The following MGAT4C variants were observed in gnomAD, a reference collection of about 807,000 sequenced individuals.
MGAT4C encodes the protein MGAT4 family member C.
In MGAT4C, 19 loss-of-function variants were observed where a neutral mutation model predicts 40.1. The observed-to-expected ratio is 0.47, with a 90% CI of 0.33 to 0.70. The LOEUF is 0.70. Among genes scored for constraint, MGAT4C ranks in the 30% least tolerant of loss-of-function variants. The pLI, the probability that MGAT4C is intolerant of heterozygous loss-of-function variation, is 0.02. For synonymous variants in MGAT4C, 181 were observed against 187.1 expected (o/e 0.97, Z 0.27); for missense variants, 491 against 563.2 (o/e 0.87, Z 1.30).
At chr12:86,272,382 G>A (rs1233465780) in intron 4 of MGAT4C, among the ~76,000 whole-genome samples, 2 of 152,022 alleles carry the variant, frequency 1.3e-5, no homozygotes, top group Non-Finnish European at 2.9e-5. Flanking sequence ...GAGCCTATGC[G>A]TTCAATTCTT....
intron 2 of MGAT4C, among the ~76,000 whole-genome samples, chr12:86,679,259 C>T (rs1186648111): frequency 1.3e-5 from 2 of 151,988 alleles, no homozygotes; most frequent in Non-Finnish European, 1.5e-5. Flanking sequence ...TATCCTTCAC[C>T]CACTTTTTGA....
rs1307939872 is a variant in MGAT4C at position 86,635,842 on chromosome 12, AT to A, written c.-229+91366del. ...CTCAGCATGCAACCATGTTCAGGTA[AT>A]TTTTTTTTTTTGTAATTTTTAGTAG... On this transcript the variant is annotated intron_variant, in intron 2 of 7. Coordinates refer to the MGAT4C transcript ENST00000548651. Among the ~76,000 whole-genome samples, 565 of 144,266 alleles carry A rather than the reference AT, an allele frequency of 3.9e-3. 1 individual carries two copies. Among genetic ancestry groups the A allele is most frequent in the Non-Finnish European group, 6.3e-3 (409 of 65,266 alleles). 94.6% of individuals were successfully genotyped at this position (144,266 alleles called of 152,430 possible). A position where few individuals can be genotyped will look rare whatever the true frequency, so the allele number is the denominator to read the frequency against.
intron 1 of MGAT4C, among the ~76,000 whole-genome samples, chr12:86,812,621 G>C (rs1952499997): frequency 1.3e-5 from 2 of 152,114 alleles, no homozygotes; most frequent in South Asian, 4.2e-4. Flanking sequence ...TATTAATAAA[G>C]TCACACATGC....
intron 2 of MGAT4C, among the ~76,000 whole-genome samples, chr12:86,616,121 G>A (rs1050998998): frequency 4.0e-4 from 61 of 152,050 alleles, no homozygotes; most frequent in African/African-American, 1.4e-3. Flanking sequence ...TCTGCAACCA[G>A]TATTCATTGA....
chr12:86,060,547 T>G (rs2137000361), intron 1 of MGAT4C, among the ~76,000 whole-genome samples: 1 of 152,260 alleles, frequency 6.6e-6, no homozygotes, highest in East Asian at 1.9e-4. Context: ...TAATCAATAA[T>G]ATTTAATTAT....
intron 2 of MGAT4C, among the ~76,000 whole-genome samples, chr12:86,561,387 A>G (rs901396877): frequency 1.2e-4 from 19 of 152,126 alleles, no homozygotes; most frequent in African/African-American, 4.6e-4. Context: ...AGAGAGGCAG[A>G]CCCACCCTCA....
In MGAT4C at chr12:85,966,346, C is replaced by A. The variant is rs539539247; in HGVS notation, c.*12943G>T. ...CACTGTCACTCTATTTAATTATTACCCATCATCTACCTACTTTGAAACTTT... is the reference window on the plus strand; with the variant it reads ...CACTGTCACTCTATTTAATTATTACACATCATCTACCTACTTTGAAACTTT... On this transcript the variant is annotated 3_prime_UTR_variant, in exon 5 of 5. Transcript: ENST00000611864. The A allele has an allele frequency of 1.3e-5, 2 of 151,890 alleles. No homozygotes were observed. The highest frequency in any genetic ancestry group is 2.1e-4 in the South Asian group (1 of 4,816). 9.4% of individuals were successfully genotyped at this position (151,890 alleles called of 1,614,324 possible).
intron 1 of MGAT4C, among the ~76,000 whole-genome samples, chr12:86,181,882 A>C (rs1337282651): frequency 6.6e-6 from 1 of 151,954 alleles, no homozygotes; most frequent in Non-Finnish European, 1.5e-5. Context: ...AACCCTTCTG[A>C]ACTTTCCAAT....
intron 2 of MGAT4C, among the ~76,000 whole-genome samples, chr12:86,510,881 C>G (rs1386499160): frequency 6.6e-6 from 1 of 151,936 alleles, no homozygotes; most frequent in Non-Finnish European, 1.5e-5. Context: ...GACTCCCACA[C>G]ATTAATAATG....
chr12:86,547,648 G>A (rs1959203373), intron 2 of MGAT4C, among the ~76,000 whole-genome samples: 1 of 151,896 alleles, frequency 6.6e-6, no homozygotes, highest in African/African-American at 2.4e-5. Flanking sequence ...TTTATTACTT[G>A]GAAGAAAAAG....
Position 86,618,453 on chromosome 12 carries a change from A to G in MGAT4C, c.-229+108756T>C, listed in dbSNP as rs1000232066. Among the ~76,000 whole-genome samples, 7 of 152,346 alleles carry G rather than the reference A, an allele frequency of 4.6e-5. No individual in the cohort carries two copies. The South Asian group carries it at 8.3e-4, about 18-fold the overall frequency. On this transcript the variant is annotated intron_variant, in intron 2 of 7. Coordinates refer to the MGAT4C transcript ENST00000548651. ...TTCATCAACAGATGAATAGGTAAAGAAAATGTGGTGTATAAATACACAACT... is the reference window on the plus strand; with the variant it reads ...TTCATCAACAGATGAATAGGTAAAGGAAATGTGGTGTATAAATACACAACT...
At chr12:86,631,947 C>T (rs996223090) in intron 2 of MGAT4C, among the ~76,000 whole-genome samples, 4 of 152,002 alleles carry the variant, frequency 2.6e-5, no homozygotes, top group African/African-American at 4.8e-5. Flanking sequence ...GCAACAGAAT[C>T]GACCATCAGA....
chr12:86,210,974 T>C (rs981567221), intron 1 of MGAT4C, among the ~76,000 whole-genome samples: 5 of 152,078 alleles, frequency 3.3e-5, no homozygotes, highest in African/African-American at 9.6e-5. Flanking sequence ...CCAACAACTA[T>C]GATAGACAGT....
chr12:86,621,637 G>A (rs1677733522), intron 2 of MGAT4C, among the ~76,000 whole-genome samples: 1 of 151,946 alleles, frequency 6.6e-6, no homozygotes, highest in South Asian at 2.1e-4. Context: ...CACCACCATG[G>A]CTGGCTAATT....
intron 3 of MGAT4C, among the ~76,000 whole-genome samples, chr12:86,426,989 T>C (rs533199681): frequency 1.3e-5 from 2 of 152,022 alleles, no homozygotes; most frequent in South Asian, 4.2e-4. Context: ...AGAAATCACA[T>C]CTAAGTATCC....
Position 86,443,184 on chromosome 12 carries a change from A to ATG in MGAT4C, c.-228-7921_-228-7920dup, listed in dbSNP as rs201717549. On this transcript the variant is annotated intron_variant, in intron 2 of 7. Coordinates refer to the MGAT4C transcript ENST00000548651. ...ATTTATATTTCCACTGACATTATAT[A>ATG]TGTGTGTGTGTGTATATATATACAC... is the stretch of plus-strand genomic sequence containing the variant. 4.7e-4 allele frequency among the ~76,000 whole-genome samples: 71 copies of ATG among 150,908 alleles called. No individual in the cohort carries two copies. In the East Asian group the frequency reaches 7.8e-3, roughly 17 times the overall value.
intron 2 of MGAT4C, among the ~76,000 whole-genome samples, chr12:86,440,089 G>C (rs990970151): frequency 6.6e-6 from 1 of 152,020 alleles, no homozygotes; most frequent in African/African-American, 2.4e-5. Flanking sequence ...GATTTCAAAT[G>C]ATTGAGAAAG....
chr12:86,177,679 A>G (rs1334896294), intron 1 of MGAT4C, among the ~76,000 whole-genome samples: 2 of 152,066 alleles, frequency 1.3e-5, no homozygotes, highest in Non-Finnish European at 2.9e-5. Flanking sequence ...CTCATAAAAT[A>G]ATTACTATGC....
Position 86,764,248 on chromosome 12 carries a change from G to A in MGAT4C, c.-261-37007C>T, listed in dbSNP as rs187961201. ...GCTTGGAGGGTCCTATGCCCACGGA[G>A]TCTCGCTGATTGCTAGCACAGCAGT... is the stretch of plus-strand genomic sequence containing the variant. On this transcript the variant is annotated intron_variant, in intron 1 of 7. Coordinates refer to the MGAT4C transcript ENST00000548651. Among the ~76,000 whole-genome samples the A allele has an allele frequency of 1.3e-3, 194 of 152,252 alleles. 7 individuals are homozygous for A. In the East Asian group the frequency reaches 0.028, roughly 22 times the overall value.
Sources: gnomAD v4.1 joint callset for allele counts (sites outside exome capture counted in the v4.1 genomes callset) on GRCh38, gnomAD v4.1.1 for gene constraint, MANE v1.5 for transcripts, NCBI Gene and HGNC (gene_info 2026-07-23, HGNC 2026-07-21) for gene names.